C10orf90: variants seen among roughly 807,000 people sequenced by gnomAD.
C10orf90 encodes the protein (E2-independent) E3 ubiquitin-conjugating enzyme FATS.
A neutral mutation model predicts 62.5 loss-of-function variants in C10orf90; 56 were observed. The ratio of observed to expected loss-of-function variants is 0.90; its 90% CI spans 0.72 to 1.12. The LOEUF (loss-of-function observed/expected upper bound fraction) is 1.12, where lower values mean the gene tolerates loss of function less well. Ranked by LOEUF, C10orf90 falls within the 50% of genes most tolerant of loss-of-function variation. C10orf90 has a pLI of 0.00. For missense variants in C10orf90, 970 were observed against 880.4 expected, an observed-to-expected ratio of 1.10 and a Z score of -1.29; for synonymous variants, 386 against 340.4, an observed-to-expected ratio of 1.13 and a Z score of -1.47.
chr10:126,457,455 GAGA>G (rs1208583155), intron 7 of C10orf90, among the ~76,000 whole-genome samples: 2 of 152,174 alleles, frequency 1.3e-5, no homozygotes, highest in African/African-American at 4.8e-5. Context: ...CCCAGAAGAG[GAGA>G]AGCTCAGTGC....
intron 2 of C10orf90, among the ~76,000 whole-genome samples, chr10:126,600,226 G>A (rs1027846531): frequency 6.0e-5 from 9 of 149,370 alleles, no homozygotes; most frequent in East Asian, 1.9e-4. Flanking sequence ...CTTTCCTTAC[G>A]GTCCAGACGG....
At chr10:126,597,424 C>A (rs1431935298) in intron 2 of C10orf90, among the ~76,000 whole-genome samples, 1 of 152,148 alleles carries the variant, frequency 6.6e-6, no homozygotes, top group African/African-American at 2.4e-5. Flanking sequence ...TGGGGCAGGG[C>A]AAGTGGAGAG....
At chr10:126,492,302 A>C (rs926995537) in intron 4 of C10orf90, among the ~76,000 whole-genome samples, 45 of 152,188 alleles carry the variant, frequency 3.0e-4, no homozygotes, top group African/African-American at 1.0e-3. Context: ...GATGTTGCCA[A>C]GCATCCTTCA....
chr10:126,565,824 T>C (rs1844374534), intron 2 of C10orf90, among the ~76,000 whole-genome samples: 1 of 152,144 alleles, frequency 6.6e-6, no homozygotes, highest in South Asian at 2.1e-4. Context: ...CTCCACCCGC[T>C]GTTTTGAGAC....
At chr10:126,448,162 A>C (rs2134057070) in intron 7 of C10orf90, among the ~76,000 whole-genome samples, 1 of 150,490 alleles carries the variant, frequency 6.6e-6, no homozygotes, top group East Asian at 2.0e-4. Flanking sequence ...GAGCCACCGC[A>C]CCCGGCCACA....
intron 1 of C10orf90, among the ~76,000 whole-genome samples, chr10:126,667,916 C>A (rs1026476670): frequency 1.3e-5 from 2 of 152,094 alleles, no homozygotes; most frequent in Non-Finnish European, 2.9e-5. Flanking sequence ...AACCCAGGGA[C>A]CTTCAGCACC....
At chr10:126,451,451 A>G (rs144884252) in intron 7 of C10orf90, among the ~76,000 whole-genome samples, 1 of 152,112 alleles carries the variant, frequency 6.6e-6, no homozygotes, top group Non-Finnish European at 1.5e-5. Flanking sequence ...ATTAATGAAT[A>G]GAGAAAATGT....
intron 2 of C10orf90, among the ~76,000 whole-genome samples, chr10:126,627,963 G>C (rs72839080): frequency 6.6e-6 from 1 of 152,168 alleles, no homozygotes; most frequent in African/African-American, 2.4e-5. Context: ...AGTTTTCTCC[G>C]AATATGAGAA....
chr10:126,472,671 A>G (rs1284024499), intron 4 of C10orf90, among the ~76,000 whole-genome samples: 1 of 152,146 alleles, frequency 6.6e-6, no homozygotes, highest in African/African-American at 2.4e-5. Context: ...CATGTTAAAA[A>G]TTGGAAGAAA....
At chr10:126,489,988 TAA>T (rs1564827771) in intron 4 of C10orf90, among the ~76,000 whole-genome samples, 2 of 109,940 alleles carry the variant, frequency 1.8e-5, no homozygotes, top group East Asian at 2.4e-4. Context: ...AATATATATA[TAA>T]TATATATTAT....
intron 1 of C10orf90, among the ~76,000 whole-genome samples, chr10:126,654,814 C>T (rs1435800578): frequency 1.3e-5 from 2 of 152,164 alleles, no homozygotes; most frequent in Non-Finnish European, 2.9e-5. Context: ...TGAACACTTC[C>T]TTTCACTTGA....
Position 126,461,532 on chromosome 10 carries a change from C to T in C10orf90, c.1879G>A (p.Glu627Lys). 2 of 1,613,972 alleles carry T rather than the reference C, an allele frequency of 1.2e-6. No homozygotes were observed. The highest frequency in any genetic ancestry group is 1.1e-5 in the South Asian group (1 of 91,044). The change falls in exon 6 of 10, where the codon GAG (glutamate) becomes AAG (lysine). Residue 627 changes from glutamate to lysine, a missense_variant. Physicochemically the swap from Glu to Lys is moderately conservative, Grantham distance 56. Transcript: ENST00000488181. ...VVKIKECKKS[E>K]DPTTPEPSPA... ...GAGGGCTCAGGTGTGGTGGGGTCCT[C>T]ACTCTTCTTACATTCCTTTATTTTT...
intron 2 of C10orf90, among the ~76,000 whole-genome samples, chr10:126,570,113 C>CTCTG (rs1844474502): frequency 6.6e-6 from 1 of 152,294 alleles, no homozygotes; most frequent in East Asian, 1.9e-4. Flanking sequence ...GCATGCTGAG[C>CTCTG]TCTGCGCTGA....
chr10:126,643,718 G>T (rs1004477492), intron 2 of C10orf90, among the ~76,000 whole-genome samples: 4 of 152,114 alleles, frequency 2.6e-5, no homozygotes, highest in Non-Finnish European at 5.9e-5. Flanking sequence ...GTTTCCCTTT[G>T]TCTACAATAG....
At chr10:126,491,260 A>G (rs969967155) in intron 4 of C10orf90, among the ~76,000 whole-genome samples, 2 of 152,252 alleles carry the variant, frequency 1.3e-5, no homozygotes, top group African/African-American at 4.8e-5. Context: ...GCTTCAATTT[A>G]TATAGATTCT....
chr10:126,590,716 G>A (rs1404154480), intron 2 of C10orf90, among the ~76,000 whole-genome samples: 2 of 151,912 alleles, frequency 1.3e-5, no homozygotes, highest in Non-Finnish European at 2.9e-5. Context: ...GCACTAAATG[G>A]TCACACCAAA....
chr10:126,521,302 C>T (rs201030706), intron 2 of C10orf90: 8 of 1,614,116 alleles, frequency 5.0e-6, no homozygotes, highest in African/African-American at 2.7e-5. Flanking sequence ...AACATACCTT[C>T]TCCAGACAGT....
At chr10:126,458,964 C>T in intron 7 of C10orf90, 76 bp downstream of exon 7, 3 of 1,479,898 alleles carry the variant, frequency 2.0e-6, no homozygotes, top group Non-Finnish European at 2.7e-6. Flanking sequence ...AGCCATCACC[C>T]CTGAGTGAAG....
chr10:126,459,110 C>G lies in C10orf90; in HGVS notation c.2118G>C (p.Leu706=), dbSNP rs1376939385. The G allele has an allele frequency of 6.2e-7, 1 of 1,614,042 alleles. No individual in the cohort carries two copies. The highest frequency in any genetic ancestry group is 2.2e-5 in the East Asian group (1 of 44,890). The change falls in exon 7 of 10, where the codon CTG becomes CTC. Residue 706 remains leucine (L), a synonymous_variant. Transcript: ENST00000488181. ...QQRKAQRKED[L]RQKQSLLPIR... Reference sequence around the variant, plus strand: ...TGGGAAGGAGGCTCTGCTTCTGCCTCAGGTCCTCCTTCCGCTGGGCTTTCC... The same window carrying G: ...TGGGAAGGAGGCTCTGCTTCTGCCTGAGGTCCTCCTTCCGCTGGGCTTTCC...
Sources: allele counts gnomAD v4.1 joint callset (sites outside exome capture counted in the v4.1 genomes callset), GRCh38; gene constraint gnomAD v4.1.1; transcripts MANE v1.5; gene names NCBI Gene and HGNC (gene_info 2026-07-23, HGNC 2026-07-21).